The following UGT2B11 variants were observed in gnomAD, a reference collection of about 807,000 sequenced individuals.
The protein encoded by UGT2B11 is UDP glucuronosyltransferase family 2 member B11.
UGT2B11 carries 49 observed loss-of-function variants against 51.7 expected under a neutral mutation model. The observed-to-expected ratio is 0.95, with a 90% CI of 0.75 to 1.20. UGT2B11 has a LOEUF of 1.20. UGT2B11 is among the 50% of genes most tolerant of loss of function. The probability of loss-of-function intolerance (pLI) is 0.00; values close to 1 mark genes in which losing one functional copy is unlikely to be tolerated. For missense variants in UGT2B11, 810 were observed against 622.1 expected (o/e 1.30, Z -3.21); for synonymous variants, 273 against 209.0 (o/e 1.31, Z -2.64).
chr4:69,219,188 C>T (rs1453545261), upstream of UGT2B11, among the ~76,000 whole-genome samples: 8 of 152,026 alleles, frequency 5.3e-5, no homozygotes, highest in Admixed American at 5.2e-4. Flanking sequence ...GTGGCAGTGG[C>T]ACTTCCTGAC....
At chr4:69,216,524 T>A (rs1722278518), upstream of UGT2B11, 1 of 151,514 alleles carries the variant, frequency 6.6e-6, no homozygotes, top group Non-Finnish European at 1.5e-5. Context: ...GTATCAACAT[T>A]AAATTGATAC....
the UGT2B11 span, among the ~76,000 whole-genome samples, chr4:69,220,952 T>C: frequency 6.6e-6 from 1 of 152,204 alleles, no homozygotes; most frequent in Non-Finnish European, 1.5e-5. Flanking sequence ...ATTCTCGTGA[T>C]AATTTATAAC....
rs1226105815 is a variant in UGT2B11 at position 69,214,488 on chromosome 4, T to A, written c.235A>T (p.Thr79Ser). 1.9e-6 allele frequency: 3 copies of A among 1,613,214 alleles called. No individual in the cohort carries two copies. Among genetic ancestry groups the A allele is most frequent in the Non-Finnish European group, 2.5e-6 (3 of 1,179,500 alleles). Residue 79 changes from threonine to serine, a missense_variant, in exon 1 of 6, where the codon ACA becomes TCA. Transcript: ENST00000446444. The stretch of plus-strand genomic sequence containing the variant: ...TCAAATTCAGTTTTAGTTAAAGATG[T>A]AGGATAAACTTCAAATTTAAGAGTG... Reference protein sequence around the residue: ...ASTLKFEVYPTSLTKTEFENI... With the variant: ...ASTLKFEVYPSSLTKTEFENI...
chr4:69,213,861 T>A, intron 1 of UGT2B11, 141 bp downstream of exon 1: 1 of 1,225,774 alleles, frequency 8.2e-7, no homozygotes, highest in East Asian at 2.6e-5. Flanking sequence ...GTTTGTGAGA[T>A]TGATAGATCA....
At chr4:69,211,146 A>AG (rs1051755346) in intron 2 of UGT2B11, 2 of 151,708 alleles carry the variant, frequency 1.3e-5, no homozygotes, top group African/African-American at 2.4e-5. Flanking sequence ...CTGCTCTAAT[A>AG]GGTATGTTTA....
chr4:69,204,241 A>G, intron 5 of UGT2B11, 189 bp downstream of exon 5: 1 of 855,776 alleles, frequency 1.2e-6, no homozygotes, highest in Non-Finnish European at 1.7e-6. Context: ...CTGGTTACTC[A>G]TTAGATGTAT....
At chr4:69,223,852 G>A in the UGT2B11 span, among the ~76,000 whole-genome samples, 1 of 152,080 alleles carries the variant, frequency 6.6e-6, no homozygotes, top group East Asian at 1.9e-4. Flanking sequence ...CTATTGAATG[G>A]TTCAAATAGC....
chr4:69,203,782 A>G (rs1169139068), intron 5 of UGT2B11, among the ~76,000 whole-genome samples: 1 of 151,728 alleles, frequency 6.6e-6, no homozygotes, highest in Non-Finnish European at 1.5e-5. Context: ...TTTATATGAA[A>G]TATCTAGAGA....
upstream of UGT2B11, among the ~76,000 whole-genome samples, chr4:69,219,301 GT>G (rs755956116): frequency 1.3e-4 from 20 of 152,042 alleles, no homozygotes; most frequent in Non-Finnish European, 2.4e-4. Flanking sequence ...GTTTGTGTAT[GT>G]TTTATTAATT....
rs1175574083 is a variant in UGT2B11 at position 69,208,350 on chromosome 4, C to T, written c.1002+1G>A. The stretch of plus-strand genomic sequence containing the variant: ...CACACCAGTAAGGCCCTTTATCTTA[C>T]CTTTTGTGGGATCTTGGCAAGGGCT... On this transcript the variant is annotated splice_donor_variant, in intron 3 of 5. Transcript: ENST00000446444. LOFTEE classifies it high-confidence loss of function. The T allele has an allele frequency of 2.5e-6, 4 of 1,610,620 alleles. No individual in the cohort carries two copies. Among genetic ancestry groups the T allele is most frequent in the Non-Finnish European group, 3.4e-6 (4 of 1,177,856 alleles).
chr4:69,204,152 T>A (rs2109941409), intron 5 of UGT2B11, among the ~76,000 whole-genome samples: 1 of 150,674 alleles, frequency 6.6e-6, no homozygotes, highest in East Asian at 2.0e-4. Context: ...TGGATTCATG[T>A]TAAAATTTTA....
Position 69,205,566 on chromosome 4 carries a change from A to C in UGT2B11, c.1004T>G (p.Val335Gly). 1 of 1,609,622 alleles carries C rather than the reference A, an allele frequency of 6.2e-7. No homozygotes were observed. The highest frequency in any genetic ancestry group is 2.2e-5 in the East Asian group (1 of 44,658). The change falls in exon 4 of 6, where the codon GTT becomes GGT. Residue 335 changes from valine (V) to glycine (G), a missense_variant and splice_region_variant. Physicochemically the swap from Val to Gly is moderately radical, Grantham distance 109. Coordinates refer to ENST00000446444, the MANE Select transcript of UGT2B11 (RefSeq NM_001073.3). The part of the protein sequence containing the change: ...ATALAKIPQK[V>G]LWRFDGNKPD... ...TTTATTCCCGTCAAATCTCCACAGA[A>C]CCTGTTACAGTAAAGAGAATATCTT...
At chr4:69,224,418 A>G in the UGT2B11 span, among the ~76,000 whole-genome samples, 7 of 152,178 alleles carry the variant, frequency 4.6e-5, no homozygotes, top group African/African-American at 1.7e-4. Context: ...AGACTTACCA[A>G]CATTCCCAGA....
At chr4:69,209,007 A>G (rs148265496) in intron 2 of UGT2B11, among the ~76,000 whole-genome samples, 2 of 151,606 alleles carry the variant, frequency 1.3e-5, no homozygotes, top group South Asian at 2.1e-4. Flanking sequence ...ATCTACATTT[A>G]TGTTCCTCTA....
At chr4:69,212,751 A>G in intron 1 of UGT2B11, 30 bp from the exon 2 acceptor site, 3 of 1,585,368 alleles carry the variant, frequency 1.9e-6, no homozygotes, top group Non-Finnish European at 2.6e-6. Flanking sequence ...GAAAAAGTGG[A>G]TGATGTAAGA....
the UGT2B11 span, among the ~76,000 whole-genome samples, chr4:69,222,721 C>T: frequency 0.047 from 7,129 of 152,272 alleles, 203 homozygotes; most frequent in South Asian, 0.094. Context: ...TCTATACAGT[C>T]ATCAGGATCA....
chr4:69,203,422 C>A (rs1033648553), intron 5 of UGT2B11, among the ~76,000 whole-genome samples: 3 of 151,730 alleles, frequency 2.0e-5, no homozygotes, highest in African/African-American at 7.2e-5. Context: ...ATGAATGCAA[C>A]AAGTACTTTG....
In UGT2B11 at chr4:69,204,429, C is replaced by A. The variant is rs1721771269; in HGVS notation, c.1310+1G>T. ...CTAGTGAAAAACATTGTTCTACTCA[C>A]AAAGGATCATTAATTACTGTCTTCA... On this transcript the variant is annotated splice_donor_variant, in intron 5 of 5. Coordinates refer to ENST00000446444, the MANE Select transcript of UGT2B11 (RefSeq NM_001073.3). LOFTEE classifies it high-confidence loss of function. 3 of 1,611,490 alleles carry A rather than the reference C, an allele frequency of 1.9e-6. No individual in the cohort carries two copies. Among genetic ancestry groups the A allele is most frequent in the African/African-American group, 2.7e-5 (2 of 74,718 alleles).
At chr4:69,208,242 A>C in intron 3 of UGT2B11, 109 bp downstream of exon 3, 1 of 1,556,908 alleles carries the variant, frequency 6.4e-7, no homozygotes, top group Non-Finnish European at 8.7e-7. Context: ...TTAAGGATGT[A>C]TTTGGATGTA....
Sources: gnomAD v4.1 joint callset for allele counts (sites outside exome capture counted in the v4.1 genomes callset) on GRCh38, gnomAD v4.1.1 for gene constraint, MANE v1.5 for transcripts, NCBI Gene and HGNC (gene_info 2026-07-23, HGNC 2026-07-21) for gene names.